Variants in MTMR8 observed in about 807,000 individuals in gnomAD.
MTMR8 encodes myotubularin related protein 8, also known as phosphatidylinositol-3,5-bisphosphate 3-phosphatase MTMR8.
A neutral mutation model predicts 39.3 loss-of-function variants in MTMR8; 65 were observed. That is an observed-to-expected ratio of 1.65 (90% confidence interval 1.35 to 2.03). The LOEUF (loss-of-function observed/expected upper bound fraction) is 2.03. MTMR8 is among the 30% of genes most tolerant of loss of function. The pLI is 0.00. For missense variants in MTMR8, 777 were observed against 538.9 expected (o/e 1.44, Z -4.37); for synonymous variants, 245 against 185.2 (o/e 1.32, Z -2.62).
chrX:64,321,608 G>T (rs774539909), intron 12 of MTMR8, among the ~76,000 whole-genome samples: 3 of 111,865 alleles, frequency 2.7e-5, no homozygotes, highest in African/African-American at 6.5e-5. Context: ...AGACCAATAA[G>T]TGCACAGAGA....
intron 1 of MTMR8, among the ~76,000 whole-genome samples, chrX:64,366,869 AAAG>A (rs1285716832): frequency 3.6e-5 from 4 of 112,054 alleles, no homozygotes; most frequent in East Asian, 2.8e-4. Flanking sequence ...CAAGACTAAT[AAAG>A]AAGAAGAGAG....
At position 64,391,267 on chromosome X, in the gene MTMR8, G is replaced by T. The variant is rs754937441; in HGVS notation, c.24+4073C>A. On this transcript the variant is annotated intron_variant, in intron 1 of 13. Transcript: ENST00000374852. The stretch of plus-strand genomic sequence containing the variant: ...CACAAATGTAGAAATTACTTTTTTT[G>T]TGTTAAAACATTCCTTAATGAGCTA... 2.3e-4 allele frequency among the ~76,000 whole-genome samples: 25 copies of T among 111,077 alleles called. No homozygotes were observed. The East Asian group carries it at 6.8e-3, about 30-fold the overall frequency.
Position 64,268,676 on chromosome X carries a change from TC to T in MTMR8, c.1975del (p.Asp659ThrfsTer55). 1 of 1,211,411 alleles carries T rather than the reference TC, an allele frequency of 8.3e-7. No individual in the cohort carries two copies. Among genetic ancestry groups the T allele is most frequent in the South Asian group, 1.8e-5 (1 of 56,950 alleles). Reference sequence around the variant, plus strand: ...AGAGATGCCAGTGGCCTCAGAGATGTCCATGGCCCCACAGATTCCTAAGTCT... The same window carrying T: ...AGAGATGCCAGTGGCCTCAGAGATGTCATGGCCCCACAGATTCCTAAGTCT... ...SKDLGICGAM[D>X]ISEATGISGN... On this transcript the variant is annotated frameshift_variant, in exon 14 of 14. Transcript: ENST00000374852. LOFTEE classifies it low-confidence loss of function (END_TRUNC).
intron 1 of MTMR8, among the ~76,000 whole-genome samples, chrX:64,383,647 CT>C (rs1272721238): frequency 9.1e-6 from 1 of 109,639 alleles, no homozygotes; most frequent in Non-Finnish European, 1.9e-5. Flanking sequence ...AAGCCACACA[CT>C]TTCAAATGAC....
chrX:64,269,807 T>C (rs1021161912), intron 13 of MTMR8, among the ~76,000 whole-genome samples: 1 of 111,498 alleles, frequency 9.0e-6, no homozygotes, highest in Non-Finnish European at 1.9e-5. Flanking sequence ...GTCAACAGGG[T>C]TGTCTGGGTG....
Position 64,337,410 on chromosome X carries a change from CA to C in MTMR8, c.976-18del. On this transcript the variant is annotated intron_variant, in intron 8 of 13. Transcript: ENST00000374852. ...CTTCACTGCCTGTGAAGACAAGAGGCAAAAAAGTACCACAAGCAACCTTTGC... is the reference window on the plus strand; with the variant it reads ...CTTCACTGCCTGTGAAGACAAGAGGCAAAAAGTACCACAAGCAACCTTTGC... 3 of 1,201,572 alleles carry C rather than the reference CA, an allele frequency of 2.5e-6. No homozygotes were observed. In the South Asian group the frequency reaches 5.4e-5, roughly 22 times the overall value.
At chrX:64,375,702 A>G (rs764037985) in intron 1 of MTMR8, among the ~76,000 whole-genome samples, 1 of 111,829 alleles carries the variant, frequency 8.9e-6, no homozygotes, top group Admixed American at 9.4e-5. Context: ...ACCACTGTCT[A>G]TGAACCAGGA....
At chrX:64,291,372 G>A (rs1313486079) in intron 12 of MTMR8, among the ~76,000 whole-genome samples, 2 of 110,771 alleles carry the variant, frequency 1.8e-5, no homozygotes, top group African/African-American at 6.6e-5. Flanking sequence ...CTCTGACCCA[G>A]CAACTTCCTG....
At chrX:64,336,799 C>CA (rs1024210790) in intron 9 of MTMR8, among the ~76,000 whole-genome samples, 11 of 110,571 alleles carry the variant, frequency 9.9e-5, no homozygotes, top group Middle Eastern at 4.7e-3. Flanking sequence ...TACTTCAAAA[C>CA]AAAAAAACAA....
intron 1 of MTMR8, among the ~76,000 whole-genome samples, chrX:64,386,534 T>C (rs1029234040): frequency 2.7e-5 from 3 of 111,358 alleles, no homozygotes; most frequent in Non-Finnish European, 5.6e-5. Flanking sequence ...CACAGGAATC[T>C]TCAGGCACAG....
chrX:64,316,046 T>C (rs1338086026), intron 12 of MTMR8, among the ~76,000 whole-genome samples: 1 of 111,729 alleles, frequency 9.0e-6, no homozygotes, highest in Non-Finnish European at 1.9e-5. Context: ...CTCCCCTATT[T>C]ATAATATAAT....
At chrX:64,392,598 G>GT (rs749650183) in intron 1 of MTMR8, among the ~76,000 whole-genome samples, 52 of 110,823 alleles carry the variant, frequency 4.7e-4, no homozygotes, top group Non-Finnish European at 9.3e-4. Context: ...TTGTTTGTTT[G>GT]TTTTTTGTTT....
At chrX:64,361,775 AC>A (rs903687990) in intron 1 of MTMR8, among the ~76,000 whole-genome samples, 1 of 111,361 alleles carries the variant, frequency 9.0e-6, no homozygotes, top group Non-Finnish European at 1.9e-5. Context: ...AACACGACAA[AC>A]TTGACTCTAA....
intron 12 of MTMR8, among the ~76,000 whole-genome samples, chrX:64,286,929 T>G (rs1440049056): frequency 1.8e-5 from 2 of 111,249 alleles, no homozygotes; most frequent in Non-Finnish European, 3.8e-5. Flanking sequence ...CTCTCACCAC[T>G]CCTATTCAAC....
At chrX:64,325,739 G>A (rs776489973) in intron 12 of MTMR8, among the ~76,000 whole-genome samples, 11 of 112,115 alleles carry the variant, frequency 9.8e-5, no homozygotes, top group African/African-American at 1.3e-4. Context: ...AGACAACAAT[G>A]CCTACTTTTA....
chrX:64,278,992 T>A (rs991032149), intron 12 of MTMR8, among the ~76,000 whole-genome samples: 1 of 111,412 alleles, frequency 9.0e-6, no homozygotes, highest in African/African-American at 3.3e-5. Flanking sequence ...CTCTCCTGTA[T>A]GAGGTGTCTG....
intron 1 of MTMR8, among the ~76,000 whole-genome samples, chrX:64,376,635 C>A (rs1924276348): frequency 8.9e-6 from 1 of 112,140 alleles, no homozygotes; most frequent in Non-Finnish European, 1.9e-5. Flanking sequence ...TAATCTGAAA[C>A]TCTAACTTAT....
At chrX:64,349,422 G>C (rs1439777518) in intron 5 of MTMR8, among the ~76,000 whole-genome samples, 2 of 111,357 alleles carry the variant, frequency 1.8e-5, no homozygotes, top group African/African-American at 6.5e-5. Flanking sequence ...TTGAACGGTT[G>C]CCCACCTGAC....
chrX:64,285,028 A>T (rs1921106171), intron 12 of MTMR8, among the ~76,000 whole-genome samples: 1 of 112,105 alleles, frequency 8.9e-6, no homozygotes, highest in Non-Finnish European at 1.9e-5. Context: ...ACAGACTGGC[A>T]AATTGGATAA....
Sources: gnomAD v4.1 joint callset for allele counts (sites outside exome capture counted in the v4.1 genomes callset) on GRCh38, gnomAD v4.1.1 for gene constraint, MANE v1.5 for transcripts, NCBI Gene and HGNC (gene_info 2026-07-23, HGNC 2026-07-21) for gene names.